Variants in MYO5A observed in about 807,000 individuals in gnomAD.
MYO5A encodes the protein myosin VA, also known as unconventional myosin-Va.
Under a neutral mutation model 249.7 loss-of-function variants are expected in MYO5A, and 98 were observed. The ratio of observed to expected loss-of-function variants is 0.39; its 90% CI spans 0.33 to 0.46. The LOEUF (loss-of-function observed/expected upper bound fraction) is 0.46, where lower values mean the gene tolerates loss of function less well. MYO5A is among the 20% of genes least tolerant of loss of function. MYO5A has a pLI of 0.98. For synonymous variants in MYO5A, 778 were observed against 810.6 expected, an observed-to-expected ratio of 0.96 and a Z score of 0.68; for missense variants, 1,696 against 2,308.8, an observed-to-expected ratio of 0.73 and a Z score of 5.44.
chr15:52,439,143 G>C (rs1223534597), intron 1 of MYO5A, among the ~76,000 whole-genome samples: 1 of 152,202 alleles, frequency 6.6e-6, no homozygotes, highest in African/African-American at 2.4e-5. Flanking sequence ...CTTGGAATCC[G>C]TGAGGCCAAG....
intron 1 of MYO5A, among the ~76,000 whole-genome samples, chr15:52,501,851 C>T (rs897682275): frequency 6.9e-6 from 1 of 144,316 alleles, no homozygotes; most frequent in Non-Finnish European, 1.5e-5. Flanking sequence ...GGCATACACA[C>T]AGACACACAC....
intron 25 of MYO5A, among the ~76,000 whole-genome samples, chr15:52,358,884 ATATC>A (rs2040378818): frequency 6.6e-6 from 1 of 152,228 alleles, no homozygotes. Context: ...CCATACTGTT[ATATC>A]CATGGGCCCC....
At chr15:52,460,437 G>A (rs993963251) in intron 1 of MYO5A, among the ~76,000 whole-genome samples, 18 of 152,226 alleles carry the variant, frequency 1.2e-4, no homozygotes, top group Non-Finnish European at 1.3e-4. Flanking sequence ...TCGCCGTCAG[G>A]AGCTGGAGAC....
intron 25 of MYO5A, among the ~76,000 whole-genome samples, chr15:52,355,501 C>A (rs1394380553): frequency 6.6e-6 from 1 of 152,198 alleles, no homozygotes; most frequent in Admixed American, 6.5e-5. Context: ...ACATAAAGCC[C>A]AGCCTTGGCT....
intron 1 of MYO5A, among the ~76,000 whole-genome samples, chr15:52,449,606 C>A (rs575374905): frequency 6.6e-6 from 1 of 152,174 alleles, no homozygotes; most frequent in Non-Finnish European, 1.5e-5. Flanking sequence ...CATTCCTTTC[C>A]CATTTCCTGT....
intron 8 of MYO5A, among the ~76,000 whole-genome samples, chr15:52,406,306 C>A (rs2043001400): frequency 6.6e-6 from 1 of 151,970 alleles, no homozygotes; most frequent in Non-Finnish European, 1.5e-5. Context: ...ACTCTGTCAC[C>A]CAGGCTGGAG....
intron 11 of MYO5A, among the ~76,000 whole-genome samples, chr15:52,392,354 C>A (rs1595583922): frequency 6.6e-6 from 1 of 152,216 alleles, no homozygotes; most frequent in East Asian, 1.9e-4. Context: ...CAAAACTGCA[C>A]TATGTACTTT....
chr15:52,359,407 C>T (rs1166516585), intron 25 of MYO5A, among the ~76,000 whole-genome samples: 3 of 152,028 alleles, frequency 2.0e-5, no homozygotes, highest in African/African-American at 7.2e-5. Context: ...GGTTTCATAC[C>T]ACAAAACACA....
At chr15:52,335,314 G>A (rs1265048281) in intron 34 of MYO5A, among the ~76,000 whole-genome samples, 3 of 151,948 alleles carry the variant, frequency 2.0e-5, no homozygotes, top group Non-Finnish European at 4.4e-5. Context: ...TCAGGAGTTC[G>A]AGATCAGCCT....
chr15:52,370,265 T>A lies in MYO5A; in HGVS notation c.2970A>T (p.Glu990Asp), dbSNP rs2041035622. 1 of 1,614,058 alleles carries A rather than the reference T, an allele frequency of 6.2e-7. No individual in the cohort carries two copies. Among genetic ancestry groups the A allele is most frequent in the Non-Finnish European group, 8.5e-7 (1 of 1,180,008 alleles). ...VATGRVLSLQ[E>D]EIAKLRKDLE... Reference sequence around the variant, plus strand: ...GGTCTTTCCGGAGCTTGGCAATTTCTTCCTGCAGACTAAGGACCCGCCCAG... The same window carrying A: ...GGTCTTTCCGGAGCTTGGCAATTTCATCCTGCAGACTAAGGACCCGCCCAG... Residue 990 changes from glutamate to aspartate, a missense_variant, in exon 22 of 42, where the codon GAA becomes GAT. Physicochemically the swap from Glu to Asp is conservative, Grantham distance 45 (BLOSUM62 2). Transcript: ENST00000399233.
At chr15:52,502,603 T>C (rs537004854) in intron 1 of MYO5A, among the ~76,000 whole-genome samples, 1 of 152,298 alleles carries the variant, frequency 6.6e-6, no homozygotes, top group African/African-American at 2.4e-5. Flanking sequence ...GGCCAGCCAT[T>C]TCCAAAACTT....
chr15:52,495,367 A>T (rs2077016760), intron 1 of MYO5A, among the ~76,000 whole-genome samples: 1 of 152,210 alleles, frequency 6.6e-6, no homozygotes, highest in Non-Finnish European at 1.5e-5. Flanking sequence ...ATAGAAGCAG[A>T]GAGTGAAATG....
At chr15:52,430,812 T>C (rs1428373305) in intron 2 of MYO5A, among the ~76,000 whole-genome samples, 1 of 152,116 alleles carries the variant, frequency 6.6e-6, no homozygotes, top group Non-Finnish European at 1.5e-5. Context: ...ATAAGTAATA[T>C]AGCTAATGAA....
chr15:52,473,779 G>C (rs1010005529), intron 1 of MYO5A, among the ~76,000 whole-genome samples: 10 of 152,172 alleles, frequency 6.6e-5, no homozygotes, highest in Non-Finnish European at 1.3e-4. Context: ...GTACCATGCT[G>C]TTTTGGTTAC....
rs566468339 is a variant in MYO5A at position 52,358,517 on chromosome 15, G to A, written c.3423+1451C>T. ...TCTATCCCCTTTGCCTTGAATCTGG[G>A]CTGACCTTGTGATTTTCTTTGATCA... On this transcript the variant is annotated intron_variant, in intron 25 of 41. Transcript: ENST00000399233. 2.2e-4 allele frequency among the ~76,000 whole-genome samples: 33 copies of A among 152,236 alleles called. 1 individual carries two copies. In the South Asian group the frequency reaches 3.1e-3, roughly 14 times the overall value.
Position 52,313,577 on chromosome 15 carries a change from T to C in MYO5A, c.*119A>G. ...AGGGAGATTTCCAGTTAATGACTTCTCATTTGGGAGATAATCAGTACTTTC... is the reference window on the plus strand; with the variant it reads ...AGGGAGATTTCCAGTTAATGACTTCCCATTTGGGAGATAATCAGTACTTTC... On this transcript the variant is annotated 3_prime_UTR_variant, in exon 42 of 42. Coordinates refer to ENST00000399233, the MANE Select transcript of MYO5A (RefSeq NM_001382347.1). 7.9e-7 allele frequency: 1 copy of C among 1,271,788 alleles called. No individual in the cohort carries two copies. Among genetic ancestry groups the C allele is most frequent in the Non-Finnish European group, 1.1e-6 (1 of 892,954 alleles). The allele number at this position is 1,271,788 out of a possible 1,614,324, so 78.8% of individuals were successfully genotyped here.
chr15:52,446,861 T>C (rs2075902482), intron 1 of MYO5A, among the ~76,000 whole-genome samples: 1 of 152,240 alleles, frequency 6.6e-6, no homozygotes, highest in Non-Finnish European at 1.5e-5. Flanking sequence ...CCCTTTCTTT[T>C]GGCCAATTTC....
chr15:52,384,011 T>C (rs2041871693), intron 15 of MYO5A, 150 bp downstream of exon 15: 1 of 896,984 alleles, frequency 1.1e-6, no homozygotes, highest in Non-Finnish European at 1.7e-6. Flanking sequence ...TGGAGAAGAG[T>C]TTTAGTGGAT....
intron 3 of MYO5A, 81 bp downstream of exon 3, chr15:52,428,317 T>C (rs2075442790): frequency 7.0e-7 from 1 of 1,421,622 alleles, no homozygotes; most frequent in South Asian, 1.2e-5. Context: ...ACAGCCTGCT[T>C]TCCCCATGTA....
Sources: gnomAD v4.1 joint callset for allele counts (sites outside exome capture counted in the v4.1 genomes callset) on GRCh38, gnomAD v4.1.1 for gene constraint, MANE v1.5 for transcripts, NCBI Gene and HGNC (gene_info 2026-07-23, HGNC 2026-07-21) for gene names.